Variants in L3MBTL4 observed in about 807,000 individuals in gnomAD.
The protein encoded by L3MBTL4 is L3MBTL histone methyl-lysine binding protein 4, also known as lethal(3)malignant brain tumor-like protein 4.
In L3MBTL4, 70 loss-of-function variants were observed where a neutral mutation model predicts 84.5. That is an observed-to-expected ratio of 0.83 (90% CI 0.68 to 1.01). The LOEUF (loss-of-function observed/expected upper bound fraction) is 1.01, where lower values mean the gene tolerates loss of function less well. Ranked by LOEUF, L3MBTL4 falls within the 50% of genes least tolerant of loss-of-function variation. The pLI is 0.00. For synonymous variants in L3MBTL4, 274 were observed against 259.8 expected, an observed-to-expected ratio of 1.05 and a Z score of -0.52; for missense variants, 715 against 754.8, an observed-to-expected ratio of 0.95 and a Z score of 0.62.
At chr18:6,064,920 C>T (rs981830224) in intron 16 of L3MBTL4, among the ~76,000 whole-genome samples, 2 of 152,008 alleles carry the variant, frequency 1.3e-5, no homozygotes, top group African/African-American at 4.8e-5. Flanking sequence ...GCATCCTTGT[C>T]TTGTTCCAGT....
At chr18:6,310,239 G>A (rs983432603) in intron 3 of L3MBTL4, among the ~76,000 whole-genome samples, 1 of 152,178 alleles carries the variant, frequency 6.6e-6, no homozygotes, top group East Asian at 1.9e-4. Context: ...ACAGATGCAG[G>A]CCTGCCCAAG....
chr18:6,208,593 T>A (rs2045970437), intron 12 of L3MBTL4, among the ~76,000 whole-genome samples: 1 of 152,252 alleles, frequency 6.6e-6, no homozygotes, highest in African/African-American at 2.4e-5. Flanking sequence ...CCTTCCTTTA[T>A]CTTTATTTGT....
At chr18:6,085,072 C>T (rs145663509) in intron 15 of L3MBTL4, among the ~76,000 whole-genome samples, 31 of 152,278 alleles carry the variant, frequency 2.0e-4, no homozygotes, top group Non-Finnish European at 3.4e-4. Flanking sequence ...CTGTGAGATT[C>T]TATCAATTTG....
chr18:5,966,323 A>G (rs2052352094), intron 17 of L3MBTL4, among the ~76,000 whole-genome samples: 1 of 152,074 alleles, frequency 6.6e-6, no homozygotes, highest in Non-Finnish European at 1.5e-5. Flanking sequence ...AAAAATGCAT[A>G]TACTGTACAC....
chr18:6,071,621 A>G (rs1446671261), intron 16 of L3MBTL4, among the ~76,000 whole-genome samples: 1 of 150,042 alleles, frequency 6.7e-6, no homozygotes, highest in Non-Finnish European at 1.5e-5. Flanking sequence ...GGGGTGACAG[A>G]GATAGATCCC....
rs1852256704 is a variant in L3MBTL4 at position 6,239,784 on chromosome 18, A to G, written c.641T>C (p.Ile214Thr). ...KNPSLVCVAT[I>T]ADIVEDRLLV... ...TAAGCGATCTTCAACAATATCTGCT[A>G]TGGTCGCCACACACACCAAGGAAGG... The change falls in exon 9 of 19, where the codon ATA (isoleucine) becomes ACA (threonine). Residue 214 changes from isoleucine to threonine, a missense_variant. Ile to Thr is a moderately conservative substitution (Grantham distance 89). Coordinates refer to ENST00000317931, the MANE Select transcript of L3MBTL4 (RefSeq NM_001330559.2). 1.2e-6 allele frequency: 2 copies of G among 1,614,186 alleles called. No individual in the cohort carries two copies. The highest frequency in any genetic ancestry group is 8.5e-7 in the Non-Finnish European group (1 of 1,180,014).
chr18:5,987,438 C>A (rs1255390971), intron 16 of L3MBTL4, among the ~76,000 whole-genome samples: 2 of 152,256 alleles, frequency 1.3e-5, no homozygotes, highest in East Asian at 3.8e-4. Context: ...CCCACACAGA[C>A]CCGTGGCCAC....
intron 1 of L3MBTL4, among the ~76,000 whole-genome samples, chr18:6,354,125 T>C (rs574094443): frequency 3.8e-4 from 57 of 151,916 alleles, no homozygotes; most frequent in African/African-American, 1.3e-3. Context: ...CAGAAACAAA[T>C]CCACATACCT....
chr18:6,241,852 G>A (rs905846011), intron 7 of L3MBTL4, among the ~76,000 whole-genome samples: 7 of 152,084 alleles, frequency 4.6e-5, no homozygotes, highest in African/African-American at 1.7e-4. Flanking sequence ...CAGAGTTCCC[G>A]TACCTGTCCC....
intron 14 of L3MBTL4, among the ~76,000 whole-genome samples, chr18:6,097,913 T>C (rs2058692891): frequency 6.6e-6 from 1 of 152,188 alleles, no homozygotes; most frequent in South Asian, 2.1e-4. Context: ...ACTTCCCAGA[T>C]GCCACCTGGC....
intron 10 of L3MBTL4, among the ~76,000 whole-genome samples, chr18:6,227,019 A>G (rs1231957339): frequency 6.6e-6 from 1 of 152,162 alleles, no homozygotes; most frequent in Non-Finnish European, 1.5e-5. Context: ...GAAAGTTAAA[A>G]TGGCTAAAGA....
intron 18 of L3MBTL4, among the ~76,000 whole-genome samples, chr18:5,958,130 A>AAAGAAGAAGAAGAAGAAGAAGAAAAAG (rs2095242537): frequency 3.1e-5 from 1 of 31,816 alleles, no homozygotes; most frequent in Non-Finnish European, 7.8e-5. Context: ...AGAAGAAGAA[A>AAAGAAGAAGAAGAAGAAGAAGAAAAAG]AAGAAGAAGA....
chr18:6,243,968 G>T (rs914063024), intron 6 of L3MBTL4, among the ~76,000 whole-genome samples: 13 of 152,076 alleles, frequency 8.5e-5, no homozygotes, highest in Non-Finnish European at 1.8e-4. Context: ...GTAAATAAAT[G>T]TGACTGTTAT....
chr18:6,047,638 T>TA (rs2056680061), intron 16 of L3MBTL4, among the ~76,000 whole-genome samples: 1 of 151,962 alleles, frequency 6.6e-6, no homozygotes, highest in African/African-American at 2.4e-5. Context: ...TAAACAGAAT[T>TA]AAAAACAAAA....
At chr18:6,048,222 G>A (rs35570161) in intron 16 of L3MBTL4, among the ~76,000 whole-genome samples, 71,232 of 151,942 alleles carry the variant, frequency 0.47, 17,207 homozygotes, top group East Asian at 0.6. Flanking sequence ...CACTGCTGAA[G>A]GAAATCATAC....
At chr18:6,145,558 AC>A (rs955767278) in intron 13 of L3MBTL4, among the ~76,000 whole-genome samples, 1 of 151,386 alleles carries the variant, frequency 6.6e-6, no homozygotes, top group Non-Finnish European at 1.5e-5. Flanking sequence ...CTGAAACAGT[AC>A]TCGATTCAAC....
intron 13 of L3MBTL4, among the ~76,000 whole-genome samples, chr18:6,167,206 G>A (rs926621021): frequency 2.7e-4 from 41 of 152,126 alleles, no homozygotes; most frequent in African/African-American, 8.7e-4. Flanking sequence ...ACCAAAAAGA[G>A]TCCAGGACAA....
chr18:6,171,864 A>G lies in L3MBTL4; in HGVS notation c.1060T>C (p.Cys354Arg). The part of the protein sequence containing the change: ...DSPDIHPIGW[C>R]DVTGHPLEVP... ...TCCAGTGGATGCCCTGTGACATCACACCATCCGATCGGGTGGATATCAGGG... is the reference window on the plus strand; with the variant it reads ...TCCAGTGGATGCCCTGTGACATCACGCCATCCGATCGGGTGGATATCAGGG... Residue 354 changes from cysteine (C) to arginine (R), a missense_variant, in exon 13 of 19, where the codon TGT becomes CGT. Coordinates refer to ENST00000317931, the MANE Select transcript of L3MBTL4 (RefSeq NM_001330559.2). 6.4e-7 allele frequency: 1 copy of G among 1,552,882 alleles called. No individual in the cohort carries two copies. The highest frequency in any genetic ancestry group is 8.7e-7 in the Non-Finnish European group (1 of 1,147,022).
At chr18:5,985,320 A>G (rs1421197011) in intron 16 of L3MBTL4, among the ~76,000 whole-genome samples, 1 of 152,178 alleles carries the variant, frequency 6.6e-6, no homozygotes, top group Non-Finnish European at 1.5e-5. Context: ...TTGCAGGTAA[A>G]GAATAGATTA....
Sources: allele counts gnomAD v4.1 joint callset (sites outside exome capture counted in the v4.1 genomes callset), GRCh38; gene constraint gnomAD v4.1.1; transcripts MANE v1.5; gene names NCBI Gene and HGNC (gene_info 2026-07-23, HGNC 2026-07-21).